Variants in SARDH observed in about 807,000 individuals in gnomAD.
The protein encoded by SARDH is sarcosine dehydrogenase.
In SARDH, 95 loss-of-function variants were observed where a neutral mutation model predicts 109.1. The ratio of observed to expected loss-of-function variants is 0.87; its 90% CI spans 0.74 to 1.03. The LOEUF (loss-of-function observed/expected upper bound fraction) is 1.03, where lower values mean the gene tolerates loss of function less well. Ranked by LOEUF, SARDH falls within the 50% of genes least tolerant of loss-of-function variation. The pLI, the probability that SARDH is intolerant of heterozygous loss-of-function variation, is 0.00. For missense variants in SARDH, 1,267 were observed against 1,287.8 expected, an observed-to-expected ratio of 0.98 and a Z score of 0.25; for synonymous variants, 572 against 534.8, an observed-to-expected ratio of 1.07 and a Z score of -0.96.
At chr9:133,707,857 G>A (rs1306740062) in intron 11 of SARDH, among the ~76,000 whole-genome samples, 1 of 152,148 alleles carries the variant, frequency 6.6e-6, no homozygotes, top group Non-Finnish European at 1.5e-5. Flanking sequence ...AAGCTCACCA[G>A]GGCAGAAGAG....
intron 13 of SARDH, among the ~76,000 whole-genome samples, chr9:133,696,663 A>C (rs1416982578): frequency 6.6e-6 from 1 of 152,230 alleles, no homozygotes; most frequent in Non-Finnish European, 1.5e-5. Context: ...ATTAGAAATC[A>C]ATAGCAGAAG....
rs1832566170 is a variant in SARDH, at chr9:133,728,440, G to A, written c.915+1325C>T. 6.6e-6 allele frequency among the ~76,000 whole-genome samples: 1 copy of A among 152,102 alleles called. No individual in the cohort carries two copies. The highest frequency in any genetic ancestry group is 1.5e-5 in the Non-Finnish European group (1 of 68,010). On this transcript the variant is annotated intron_variant, in intron 6 of 20. Coordinates refer to ENST00000439388, the MANE Select transcript of SARDH (RefSeq NM_001134707.2). This position sits in a 1 kb window ranked among gnomAD's most constrained non-coding sequence, Gnocchi z 5.0. ...AACAAGGGCAGTCTGTTCTCACACT[G>A]ACCCTGCCCCACAGCCTCTGGCCCT...
At chr9:133,671,775 G>A in intron 17 of SARDH, 78 bp from the exon 18 acceptor site, 1 of 1,468,688 alleles carries the variant, frequency 6.8e-7, no homozygotes, top group Non-Finnish European at 9.1e-7. Context: ...CTTCCTGGTG[G>A]CAGCTCCTAC....
At chr9:133,677,022 C>T (rs1331494956) in intron 17 of SARDH, among the ~76,000 whole-genome samples, 1 of 152,008 alleles carries the variant, frequency 6.6e-6, no homozygotes, top group Non-Finnish European at 1.5e-5. Flanking sequence ...ACCTTTAGTC[C>T]CAGCTACTTG....
intron 15 of SARDH, among the ~76,000 whole-genome samples, chr9:133,691,496 A>G (rs1015630890): frequency 6.6e-6 from 1 of 152,200 alleles, no homozygotes; most frequent in Non-Finnish European, 1.5e-5. Flanking sequence ...GACTTGCACC[A>G]TCGGCAGTGG....
intron 19 of SARDH, among the ~76,000 whole-genome samples, chr9:133,667,450 GC>G (rs1830115409): frequency 6.6e-6 from 1 of 151,920 alleles, no homozygotes; most frequent in African/African-American, 2.4e-5. Flanking sequence ...ACAGACTTGA[GC>G]CACTGCGCCC....
chr9:133,733,829 C>T lies in SARDH; in HGVS notation c.331+14G>A, dbSNP rs980464186. On this transcript the variant is annotated intron_variant, in intron 2 of 20. Coordinates refer to ENST00000439388, the MANE Select transcript of SARDH (RefSeq NM_001134707.2). Reference sequence around the variant, plus strand: ...CCTATCCTTCCCTGCCCCTACCTGGCCCCCGGTCCCTACCTGCCGTGTGCC... The same window carrying T: ...CCTATCCTTCCCTGCCCCTACCTGGTCCCCGGTCCCTACCTGCCGTGTGCC... The T allele has an allele frequency of 5.5e-6, 8 of 1,447,710 alleles. No homozygotes were observed. Among genetic ancestry groups the T allele is most frequent in the African/African-American group, 1.4e-5 (1 of 69,560 alleles). 89.7% of individuals were successfully genotyped at this position (1,447,710 alleles called of 1,614,324 possible).
chr9:133,695,400 G>A (rs1588414751), intron 14 of SARDH, among the ~76,000 whole-genome samples: 1 of 152,180 alleles, frequency 6.6e-6, no homozygotes, highest in South Asian at 2.1e-4. Context: ...CTGAGATCGC[G>A]CCATTGCACT....
intron 19 of SARDH, among the ~76,000 whole-genome samples, chr9:133,667,815 G>A (rs372894173): frequency 1.2e-4 from 18 of 152,230 alleles, no homozygotes; most frequent in African/African-American, 4.3e-4. Context: ...AGGAGGTTTC[G>A]TAAACATCTT....
chr9:133,736,980 T>C (rs1250959900), intron 1 of SARDH, among the ~76,000 whole-genome samples: 4 of 152,212 alleles, frequency 2.6e-5, no homozygotes, highest in Admixed American at 6.5e-5. Flanking sequence ...CACATGATAA[T>C]GTCTCTACTT....
intron 18 of SARDH, 24 bp downstream of exon 18, chr9:133,671,511 G>A (rs2797840): frequency 0.5 from 750,858 of 1,511,726 alleles, 187,519 homozygotes; most frequent in East Asian, 0.81. Context: ...CCCCCGCCCC[G>A]TGCTGTCCAG....
chr9:133,723,428 T>C (rs1307431044), intron 6 of SARDH, among the ~76,000 whole-genome samples: 3 of 152,216 alleles, frequency 2.0e-5, no homozygotes, highest in Non-Finnish European at 4.4e-5. Flanking sequence ...TAAGTAAGGA[T>C]AGACCTACAG....
At chr9:133,708,178 C>A (rs537223404) in intron 11 of SARDH, 109 bp downstream of exon 11, 7 of 1,329,864 alleles carry the variant, frequency 5.3e-6, no homozygotes, top group Admixed American at 4.9e-5. Context: ...ACCTTGTCAC[C>A]GCACCTGACC....
intron 8 of SARDH, 103 bp downstream of exon 8, chr9:133,717,223 G>T (rs1832156490): frequency 4.8e-6 from 7 of 1,447,642 alleles, no homozygotes; most frequent in Admixed American, 1.8e-5. Context: ...ACAGCCCTGG[G>T]TCCCCTGTGT....
chr9:133,661,773 G>A (rs1021833326), downstream of SARDH, among the ~76,000 whole-genome samples: 6 of 152,162 alleles, frequency 3.9e-5, no homozygotes, highest in Non-Finnish European at 7.3e-5. Context: ...CAGTCACTGC[G>A]CCCGGCCAGT....
At position 133,726,368 on chromosome 9, in the gene SARDH, AAAT is replaced by A. The variant is rs547588474; in HGVS notation, c.915+3394_915+3396del. ...GGGAAACAGAGTGAGACCCTGTCTC[AAAT>A]AATAATAATAATAATAATAATAATA... On this transcript the variant is annotated intron_variant, in intron 6 of 20. Transcript: ENST00000439388. 1.4e-4 allele frequency among the ~76,000 whole-genome samples: 16 copies of A among 114,142 alleles called. No individual in the cohort carries two copies. The East Asian group carries it at 2.7e-3, about 19-fold the overall frequency. The allele number at this position is 114,142 out of a possible 152,430, so 74.9% of individuals were successfully genotyped here.
intron 17 of SARDH, among the ~76,000 whole-genome samples, chr9:133,684,080 C>G (rs1194003211): frequency 6.6e-6 from 1 of 152,364 alleles, no homozygotes. Flanking sequence ...GGAGGCCCGG[C>G]CCCCGCTGCC....
intron 17 of SARDH, among the ~76,000 whole-genome samples, chr9:133,673,817 C>T (rs538913644): frequency 1.3e-5 from 2 of 152,302 alleles, no homozygotes; most frequent in African/African-American, 2.4e-5. Flanking sequence ...CACCTATGCA[C>T]GGCCCTCCAA....
At chr9:133,722,238 C>CA (rs1832349928) in intron 6 of SARDH, among the ~76,000 whole-genome samples, 1 of 152,088 alleles carries the variant, frequency 6.6e-6, no homozygotes, top group Admixed American at 6.5e-5. Flanking sequence ...AAGTACAGGA[C>CA]AAAAACCACG....
Sources: allele counts gnomAD v4.1 joint callset (sites outside exome capture counted in the v4.1 genomes callset), GRCh38; gene constraint gnomAD v4.1.1; non-coding constraint Gnocchi (gnomAD v3.1); transcripts MANE v1.5; gene names NCBI Gene and HGNC (gene_info 2026-07-23, HGNC 2026-07-21).